Variants in DPP6 observed in about 807,000 individuals in gnomAD.
DPP6 encodes A-type potassium channel modulatory protein DPP6.
In DPP6, 69 loss-of-function variants were observed where a neutral mutation model predicts 122.6. That is an observed-to-expected ratio of 0.56 (90% CI 0.46 to 0.69). The LOEUF is 0.69. Ranked by LOEUF, DPP6 falls within the 30% of genes least tolerant of loss-of-function variation. The pLI, the probability that DPP6 is intolerant of heterozygous loss-of-function variation, is 0.00. For missense variants in DPP6, 928 were observed against 1,116.9 expected, an observed-to-expected ratio of 0.83 and a Z score of 2.41; for synonymous variants, 418 against 433.1, an observed-to-expected ratio of 0.97 and a Z score of 0.43.
intron 1 of DPP6, among the ~76,000 whole-genome samples, chr7:154,102,454 G>T (rs1805815174): frequency 6.6e-6 from 1 of 152,156 alleles, no homozygotes; most frequent in African/African-American, 2.4e-5. Context: ...CTCCCAAAGT[G>T]CTGGGATTAC....
chr7:154,327,454 C>T (rs780623040), intron 1 of DPP6, among the ~76,000 whole-genome samples: 22 of 152,074 alleles, frequency 1.4e-4, no homozygotes, highest in Non-Finnish European at 2.4e-4. Flanking sequence ...GAACAGATTG[C>T]GAGTGAAGAT....
intron 5 of DPP6, among the ~76,000 whole-genome samples, chr7:154,617,706 C>T (rs778372430): frequency 2.0e-5 from 3 of 152,104 alleles, no homozygotes; most frequent in Non-Finnish European, 2.9e-5. Context: ...GTATGTATTA[C>T]TAGAGAAATA....
At chr7:154,735,934 AC>A (rs1295022238) in intron 8 of DPP6, among the ~76,000 whole-genome samples, 1 of 152,096 alleles carries the variant, frequency 6.6e-6, no homozygotes, top group Non-Finnish European at 1.5e-5. Context: ...TCCTCACTTG[AC>A]CCTGAGTCCC....
intron 1 of DPP6, among the ~76,000 whole-genome samples, chr7:154,268,793 A>G (rs1803596958): frequency 6.6e-6 from 1 of 151,936 alleles, no homozygotes; most frequent in Admixed American, 6.6e-5. Context: ...GAAACTTTCT[A>G]TTGAAACCAA....
chr7:153,942,185 G>A (rs1438613161), intron 1 of DPP6, among the ~76,000 whole-genome samples: 1 of 152,184 alleles, frequency 6.6e-6, no homozygotes. Context: ...TCAATTCACC[G>A]CTGCCTTTTT....
At chr7:154,462,922 C>A (rs2151320814) in intron 2 of DPP6, among the ~76,000 whole-genome samples, 1 of 147,230 alleles carries the variant, frequency 6.8e-6, no homozygotes, top group East Asian at 2.1e-4. Context: ...TATAGAAATA[C>A]TACTGATTTT....
At chr7:154,085,322 T>C (rs1275191088) in intron 1 of DPP6, among the ~76,000 whole-genome samples, 1 of 152,160 alleles carries the variant, frequency 6.6e-6, no homozygotes, top group Non-Finnish European at 1.5e-5. Context: ...TGCAGTAATA[T>C]CTACCTCATC....
intron 3 of DPP6, among the ~76,000 whole-genome samples, chr7:154,514,544 T>C (rs1826339463): frequency 6.6e-6 from 1 of 152,000 alleles, no homozygotes; most frequent in African/African-American, 2.4e-5. Context: ...TAAAACTAAC[T>C]CCCCATTCCC....
chr7:153,999,502 C>T (rs962968719), intron 1 of DPP6, among the ~76,000 whole-genome samples: 1 of 152,204 alleles, frequency 6.6e-6, no homozygotes, highest in African/African-American at 2.4e-5. Flanking sequence ...TTGGCGTTTA[C>T]TGTTGAAATC....
chr7:154,259,532 G>C (rs1047593845), intron 1 of DPP6, among the ~76,000 whole-genome samples: 1 of 152,198 alleles, frequency 6.6e-6, no homozygotes, highest in Non-Finnish European at 1.5e-5. Flanking sequence ...TGGGAGAAAA[G>C]AGAGGAAGAG....
At chr7:153,990,054 C>T (rs1421757697) in intron 1 of DPP6, among the ~76,000 whole-genome samples, 1 of 133,032 alleles carries the variant, frequency 7.5e-6, no homozygotes, top group Non-Finnish European at 1.6e-5. Flanking sequence ...GCCAGTCCCC[C>T]AGCAAGCCCC....
chr7:154,765,593 G>A (rs1199317618), intron 8 of DPP6, among the ~76,000 whole-genome samples: 3 of 152,128 alleles, frequency 2.0e-5, no homozygotes, highest in Non-Finnish European at 4.4e-5. Flanking sequence ...CTTCTTCAAG[G>A]TATAGTGACA....
At chr7:153,819,082 T>C in the DPP6 span, among the ~76,000 whole-genome samples, 7 of 141,594 alleles carry the variant, frequency 4.9e-5, no homozygotes, top group Admixed American at 1.4e-4. Flanking sequence ...CTTTTCTTTT[T>C]TTTTTTTTTT....
rs372511193 is a variant in DPP6, at chr7:154,503,760, A to T, written c.457+28723A>T. Among the ~76,000 whole-genome samples the T allele has an allele frequency of 1.7e-4, 26 of 152,294 alleles. No individual in the cohort carries two copies. The East Asian group carries it at 3.5e-3, about 20-fold the overall frequency. On this transcript the variant is annotated intron_variant, in intron 3 of 25. Coordinates refer to ENST00000377770, the MANE Select transcript of DPP6 (RefSeq NM_130797.4). ...ACTGAGGCTTACAGATGTTTTTGAG[A>T]CTTAAAGAATTGACACGTCAGTCTC...
At chr7:154,468,264 G>A (rs1420114593) in intron 2 of DPP6, among the ~76,000 whole-genome samples, 1 of 152,198 alleles carries the variant, frequency 6.6e-6, no homozygotes, top group Admixed American at 6.5e-5. Flanking sequence ...ATAGCCAAAT[G>A]TTTAGAGACA....
intron 1 of DPP6, among the ~76,000 whole-genome samples, chr7:154,345,244 C>T (rs764697386): frequency 8.5e-5 from 13 of 152,118 alleles, no homozygotes; most frequent in Admixed American, 5.9e-4. Flanking sequence ...TGTCTCTTCT[C>T]GCAAAAGCAC....
At chr7:154,616,360 AAC>A (rs1359275815) in intron 5 of DPP6, among the ~76,000 whole-genome samples, 1 of 152,188 alleles carries the variant, frequency 6.6e-6, no homozygotes, top group Non-Finnish European at 1.5e-5. Context: ...TTCAACAGTG[AAC>A]ACTGTCTTCT....
intron 1 of DPP6, among the ~76,000 whole-genome samples, chr7:154,287,651 T>A (rs1804942192): frequency 6.6e-6 from 1 of 152,192 alleles, no homozygotes; most frequent in Non-Finnish European, 1.5e-5. Context: ...ACAGCGGCCA[T>A]CTGCTTGGCT....
intron 1 of DPP6, among the ~76,000 whole-genome samples, chr7:154,331,534 G>C (rs1023097077): frequency 6.6e-6 from 1 of 152,172 alleles, no homozygotes; most frequent in Non-Finnish European, 1.5e-5. Flanking sequence ...CTCATCTGTG[G>C]GGAAGCTAAT....
Sources: allele counts gnomAD v4.1 joint callset (sites outside exome capture counted in the v4.1 genomes callset), GRCh38; gene constraint gnomAD v4.1.1; transcripts MANE v1.5; gene names NCBI Gene and HGNC (gene_info 2026-07-23, HGNC 2026-07-21).